The following NRG1 variants were observed in gnomAD, a reference collection of about 807,000 sequenced individuals.
NRG1 encodes the protein pro-neuregulin-1, membrane-bound isoform.
A neutral mutation model predicts 63.8 loss-of-function variants in NRG1; 18 were observed. The observed-to-expected ratio is 0.28, with a 90% CI of 0.19 to 0.42. The LOEUF is 0.42. NRG1 is among the 10% of genes least tolerant of loss of function. The pLI, the probability that NRG1 is intolerant of heterozygous loss-of-function variation, is 1.00. For synonymous variants in NRG1, 302 were observed against 301.3 expected, an observed-to-expected ratio of 1.00 and a Z score of -0.02; for missense variants, 762 against 814.7, an observed-to-expected ratio of 0.94 and a Z score of 0.79.
intron 1 of NRG1, among the ~76,000 whole-genome samples, chr8:31,918,022 A>T (rs1200341203): frequency 6.6e-6 from 1 of 152,136 alleles, no homozygotes; most frequent in Non-Finnish European, 1.5e-5. Context: ...TTGGTGTATA[A>T]GAATGCTTGT....
At chr8:32,407,898 T>C (rs1814321037) in intron 1 of NRG1, among the ~76,000 whole-genome samples, 1 of 152,170 alleles carries the variant, frequency 6.6e-6, no homozygotes, top group African/African-American at 2.4e-5. Context: ...GTGTAACTGA[T>C]TAAACTCTGG....
intron 1 of NRG1, among the ~76,000 whole-genome samples, chr8:32,403,299 CAAAA>C (rs68127664): frequency 5.6e-5 from 5 of 89,792 alleles, no homozygotes; most frequent in Non-Finnish European, 1.1e-4. Flanking sequence ...CACTCTGTCT[CAAAA>C]AAAAAAAAAA....
intron 1 of NRG1, among the ~76,000 whole-genome samples, chr8:31,669,656 T>C (rs1002417361): frequency 6.6e-6 from 1 of 152,200 alleles, no homozygotes; most frequent in Non-Finnish European, 1.5e-5. Context: ...TTTTTTGGCA[T>C]CACCGTCACT....
At chr8:31,646,098 C>T (rs1322786018) in intron 1 of NRG1, among the ~76,000 whole-genome samples, 1 of 152,322 alleles carries the variant, frequency 6.6e-6, no homozygotes, top group East Asian at 1.9e-4. Flanking sequence ...ACTGTGAATG[C>T]AAATGGTCTT....
At chr8:31,878,540 A>T (rs527693502) in intron 1 of NRG1, among the ~76,000 whole-genome samples, 2 of 152,192 alleles carry the variant, frequency 1.3e-5, no homozygotes, top group African/African-American at 4.8e-5. Flanking sequence ...ATCGATTGTT[A>T]TATAGTAATA....
chr8:32,637,088 G>C (rs956386706), intron 5 of NRG1, among the ~76,000 whole-genome samples: 1 of 151,984 alleles, frequency 6.6e-6, no homozygotes, highest in African/African-American at 2.4e-5. Flanking sequence ...TTTTTAAAAA[G>C]TTCCAGCATT....
At chr8:32,555,783 T>A (rs1247816858) in intron 1 of NRG1, among the ~76,000 whole-genome samples, 1 of 152,236 alleles carries the variant, frequency 6.6e-6, no homozygotes, top group African/African-American at 2.4e-5. Flanking sequence ...GCTGATATTT[T>A]AATATGGTCA....
At chr8:31,672,584 A>G (rs1267330317) in intron 1 of NRG1, among the ~76,000 whole-genome samples, 2 of 151,906 alleles carry the variant, frequency 1.3e-5, no homozygotes, top group Non-Finnish European at 2.9e-5. Context: ...GGCATGTAGC[A>G]CAGGAAATAT....
intron 1 of NRG1, among the ~76,000 whole-genome samples, chr8:31,728,456 C>T (rs538235296): frequency 3.8e-4 from 58 of 152,052 alleles, no homozygotes; most frequent in Non-Finnish European, 2.6e-4. Context: ...AAAAATGTTA[C>T]GTAGTATTCA....
At chr8:32,099,162 G>T (rs752770379) in intron 1 of NRG1, among the ~76,000 whole-genome samples, 2 of 152,188 alleles carry the variant, frequency 1.3e-5, no homozygotes, top group African/African-American at 4.8e-5. Flanking sequence ...ATGGGATGGC[G>T]CTTGTGCTGG....
intron 1 of NRG1, among the ~76,000 whole-genome samples, chr8:32,178,334 G>T (rs967323702): frequency 1.3e-5 from 2 of 152,184 alleles, no homozygotes; most frequent in African/African-American, 2.4e-5. Context: ...CCCTGGTCAG[G>T]CTCGATGGCT....
chr8:32,232,422 A>G (rs553271946), intron 1 of NRG1, among the ~76,000 whole-genome samples: 1 of 152,328 alleles, frequency 6.6e-6, no homozygotes, highest in South Asian at 2.1e-4. Context: ...GTAAGAATAC[A>G]TGATTTAAAA....
intron 1 of NRG1, among the ~76,000 whole-genome samples, chr8:31,953,763 T>C (rs185005451): frequency 6.6e-6 from 1 of 152,302 alleles, no homozygotes; most frequent in Admixed American, 6.5e-5. Flanking sequence ...ACTTCCTATA[T>C]TCCTGGCATG....
intron 1 of NRG1, among the ~76,000 whole-genome samples, chr8:32,200,175 G>A (rs137872894): frequency 3.9e-4 from 60 of 152,096 alleles, no homozygotes; most frequent in Non-Finnish European, 7.2e-4. Context: ...TTTTACTTTC[G>A]GGGATTCCTA....
intron 1 of NRG1, among the ~76,000 whole-genome samples, chr8:32,365,578 TCCA>T (rs1807857053): frequency 6.6e-6 from 1 of 152,178 alleles, no homozygotes; most frequent in African/African-American, 2.4e-5. Context: ...AACAATTTAT[TCCA>T]CTAAATCATA....
intron 1 of NRG1, among the ~76,000 whole-genome samples, chr8:32,364,067 TGACTA>T (rs1345575552): frequency 6.8e-6 from 1 of 147,968 alleles, no homozygotes; most frequent in Non-Finnish European, 1.5e-5. Flanking sequence ...GGCGTACTTC[TGACTA>T]GTCTTTTTTT....
At chr8:31,929,565 A>G (rs183150861) in intron 1 of NRG1, among the ~76,000 whole-genome samples, 1,522 of 152,186 alleles carry the variant, frequency 0.01, 10 homozygotes, top group Middle Eastern at 0.021. Context: ...AATGGTGCAT[A>G]TGTGCTTGTT....
intron 1 of NRG1, among the ~76,000 whole-genome samples, chr8:31,643,624 T>C (rs1804009537): frequency 1.3e-5 from 2 of 152,254 alleles, no homozygotes; most frequent in Admixed American, 1.3e-4. Context: ...TTTGTATAAA[T>C]GACACTTCCT....
rs924655994 is a variant in NRG1 at position 31,737,700 on chromosome 8, C to T, written c.37+98269C>T. Among the ~76,000 whole-genome samples, 8 of 152,254 alleles carry T rather than the reference C, an allele frequency of 5.3e-5. No homozygotes were observed. In the South Asian group the frequency reaches 1.5e-3, roughly 28 times the overall value. On this transcript the variant is annotated intron_variant, in intron 1 of 10. Transcript: ENST00000519301. ...ATAATGTAAATAACTTGGATGGGAG[C>T]AGGCTGTATGCTTTAGGTCAATTAG... is the stretch of plus-strand genomic sequence containing the variant.
Sources: gnomAD v4.1 joint callset for allele counts (sites outside exome capture counted in the v4.1 genomes callset) on GRCh38, gnomAD v4.1.1 for gene constraint, MANE v1.5 for transcripts, NCBI Gene and HGNC (gene_info 2026-07-23, HGNC 2026-07-21) for gene names.